HDGFL3: variants seen among roughly 807,000 people sequenced by gnomAD.
The protein encoded by HDGFL3 is hepatoma-derived growth factor-related protein 3.
Under a neutral mutation model 27.6 loss-of-function variants are expected in HDGFL3, and 6 were observed. That is an observed-to-expected ratio of 0.22 (90% confidence interval 0.12 to 0.43). HDGFL3 has a LOEUF of 0.43. HDGFL3 is among the 20% of genes least tolerant of loss of function. The pLI, the probability that HDGFL3 is intolerant of heterozygous loss-of-function variation, is 1.00. For missense variants in HDGFL3, 207 were observed against 250.1 expected (o/e 0.83, Z 1.16); for synonymous variants, 88 against 88.9 (o/e 0.99, Z 0.05).
chr15:83,147,707 G>T (rs1434654646), intron 5 of HDGFL3, among the ~76,000 whole-genome samples: 5 of 152,140 alleles, frequency 3.3e-5, no homozygotes, highest in Non-Finnish European at 5.9e-5. Context: ...GCAATAAATG[G>T]TGCTGGTTCA....
At position 83,164,037 on chromosome 15, in the gene HDGFL3, T is replaced by C. The variant is rs376348466; in HGVS notation, c.123A>G (p.Ala41=). The change falls in exon 2 of 6, where the codon GCA becomes GCG. Residue 41 remains alanine (A), a synonymous_variant. Transcript: ENST00000299633. ...CAAAAAAGAAGATAGGATACTTGTTTGCTGGAGGCTTCACAGCGCCCTCTG... is the reference window on the plus strand; with the variant it reads ...CAAAAAAGAAGATAGGATACTTGTTCGCTGGAGGCTTCACAGCGCCCTCTG... The part of the protein sequence containing the change: ...ELPEGAVKPP[A]NKYPIFFFGT... 1 of 1,611,530 alleles carries C rather than the reference T, an allele frequency of 6.2e-7. No homozygotes were observed. The highest frequency in any genetic ancestry group is 8.5e-7 in the Non-Finnish European group (1 of 1,179,190).
chr15:83,199,352 T>C (rs1042595034), intron 1 of HDGFL3, among the ~76,000 whole-genome samples: 6 of 152,214 alleles, frequency 3.9e-5, no homozygotes, highest in African/African-American at 1.4e-4. Flanking sequence ...AATAGAGATC[T>C]GAAGTTGAGT....
At chr15:83,197,542 G>A (rs976449698) in intron 1 of HDGFL3, among the ~76,000 whole-genome samples, 4 of 152,140 alleles carry the variant, frequency 2.6e-5, no homozygotes, top group African/African-American at 7.2e-5. Flanking sequence ...CATGTTAATC[G>A]CAAAAACTTT....
chr15:83,151,098 C>A, intron 5 of HDGFL3, 117 bp downstream of exon 5: 4 of 951,258 alleles, frequency 4.2e-6, no homozygotes, highest in Non-Finnish European at 6.4e-6. Context: ...ATATAATAGG[C>A]TGAGAATACT....
intron 4 of HDGFL3, among the ~76,000 whole-genome samples, chr15:83,155,971 G>A (rs1235154664): frequency 1.3e-5 from 2 of 152,114 alleles, no homozygotes; most frequent in African/African-American, 4.8e-5. Flanking sequence ...AAAAAACCTA[G>A]ACTTTCAATT....
At chr15:83,198,439 C>T (rs939715217) in intron 1 of HDGFL3, among the ~76,000 whole-genome samples, 2 of 152,116 alleles carry the variant, frequency 1.3e-5, no homozygotes, top group African/African-American at 4.8e-5. Context: ...CCTGACTTTA[C>T]ATAAAATGAA....
rs1454998468 is a variant in HDGFL3, at chr15:83,133,696, C to A, written c.*5574G>T. On this transcript the variant is annotated 3_prime_UTR_variant, in exon 6 of 6. Coordinates refer to ENST00000299633, the MANE Select transcript of HDGFL3 (RefSeq NM_016073.4). ...GACCCCAGCACAGGCTCAGGCTGAG[C>A]TCTTCAGGTCCTGCCATGAGAGGCC... 2 of 152,250 alleles carry A rather than the reference C, an allele frequency of 1.3e-5. No individual in the cohort carries two copies. Among genetic ancestry groups the A allele is most frequent in the Admixed American group, 6.5e-5 (1 of 15,288 alleles). 9.4% of individuals were successfully genotyped at this position (152,250 alleles called of 1,614,324 possible). A position where few individuals can be genotyped will look rare whatever the true frequency, so the allele number is the denominator to read the frequency against.
chr15:83,154,102 C>T (rs946039442), intron 4 of HDGFL3, among the ~76,000 whole-genome samples: 3 of 151,340 alleles, frequency 2.0e-5, no homozygotes, highest in Non-Finnish European at 2.9e-5. Flanking sequence ...ACTGTTTGAG[C>T]TCAGGAGTTT....
At chr15:83,113,052 G>A (rs1203420864) in exon 4 of HDGFL3, 10 of 667,798 alleles carry the variant, frequency 1.5e-5, no homozygotes, top group East Asian at 2.7e-5. Flanking sequence ...TCTGGCCCTC[G>A]CCTCTGGCTA....
At chr15:83,192,347 C>T (rs751103893) in intron 1 of HDGFL3, 4 of 453,486 alleles carry the variant, frequency 8.8e-6, no homozygotes, top group South Asian at 6.2e-5. Flanking sequence ...TTTTGATAGA[C>T]ATGCACTCCT....
chr15:83,178,445 A>G (rs756029833), intron 1 of HDGFL3, among the ~76,000 whole-genome samples: 26 of 152,186 alleles, frequency 1.7e-4, no homozygotes, highest in Non-Finnish European at 3.4e-4. Flanking sequence ...TTTGTTTTTA[A>G]ATAAACAAAA....
At chr15:83,206,483 G>A (rs2037717889) in intron 1 of HDGFL3, among the ~76,000 whole-genome samples, 1 of 152,184 alleles carries the variant, frequency 6.6e-6, no homozygotes, top group Non-Finnish European at 1.5e-5. Flanking sequence ...TCCTCAAAGA[G>A]CTTAATAAAA....
chr15:83,184,060 C>T (rs1428088582), intron 1 of HDGFL3, among the ~76,000 whole-genome samples: 1 of 152,178 alleles, frequency 6.6e-6, no homozygotes, highest in Non-Finnish European at 1.5e-5. Flanking sequence ...GTACAAAAAG[C>T]TAAATTCAGA....
chr15:83,207,682 CCCGCCG>C lies in HDGFL3; in HGVS notation c.-274_-269del, dbSNP rs564306913. On this transcript the variant is annotated 5_prime_UTR_variant, in exon 1 of 6. Coordinates refer to ENST00000299633, the MANE Select transcript of HDGFL3 (RefSeq NM_016073.4). This position sits in a 1 kb window ranked among gnomAD's most constrained non-coding sequence, Gnocchi z 4.8. ...GCCCGCGTCCGGCCGCGCCAAGGTC[CCCGCCG>C]CCGCCGCCGCCGCCGCCGCGCGCGC... is the stretch of plus-strand genomic sequence containing the variant. 41 of 152,140 alleles carry C rather than the reference CCCGCCG, an allele frequency of 2.7e-4. No homozygotes were observed. The highest frequency in any genetic ancestry group is 3.5e-4 in the South Asian group (2 of 5,646). 9.4% of individuals were successfully genotyped at this position (152,140 alleles called of 1,614,324 possible).
At chr15:83,167,340 G>A (rs966551486) in intron 1 of HDGFL3, among the ~76,000 whole-genome samples, 5 of 152,184 alleles carry the variant, frequency 3.3e-5, no homozygotes, top group Non-Finnish European at 5.9e-5. Flanking sequence ...GGGATCACCC[G>A]AGGTCAGGAG....
rs1355052786 is a variant in HDGFL3 at position 83,131,886 on chromosome 15, T to A, written c.*7384A>T. ...GTGTAATCTGAAAGGCATTATAGGC[T>A]GCTTAGATCCACTTATTAGCATTTC... On this transcript the variant is annotated 3_prime_UTR_variant, in exon 6 of 6. Coordinates refer to ENST00000299633, the MANE Select transcript of HDGFL3 (RefSeq NM_016073.4). The A allele has an allele frequency of 6.6e-6, 1 of 152,250 alleles. No homozygotes were observed. Among genetic ancestry groups the A allele is most frequent in the Non-Finnish European group, 1.5e-5 (1 of 68,052 alleles). 9.4% of individuals were successfully genotyped at this position (152,250 alleles called of 1,614,324 possible). A position where few individuals can be genotyped will look rare whatever the true frequency, so the allele number is the denominator to read the frequency against.
At chr15:83,140,481 G>GTTTTTT (rs11429826) in intron 5 of HDGFL3, among the ~76,000 whole-genome samples, 1 of 135,752 alleles carries the variant, frequency 7.4e-6, no homozygotes, top group African/African-American at 2.7e-5. Flanking sequence ...ACCAAAGAAA[G>GTTTTTT]TTTTTTTTTT....
At chr15:83,199,564 T>C (rs1567178600) in intron 1 of HDGFL3, among the ~76,000 whole-genome samples, 1 of 152,204 alleles carries the variant, frequency 6.6e-6, no homozygotes, top group Admixed American at 6.5e-5. Context: ...CTGACTCCCC[T>C]ACACTGACAC....
chr15:83,116,001 T>A (rs2034625413), intron 3 of HDGFL3: 1 of 1,289,864 alleles, frequency 7.8e-7, no homozygotes, highest in Non-Finnish European at 1.1e-6. Flanking sequence ...CCAGATCACA[T>A]TACTCAGAGA....
Sources: gnomAD v4.1 joint callset for allele counts (sites outside exome capture counted in the v4.1 genomes callset) on GRCh38, gnomAD v4.1.1 for gene constraint, Gnocchi (gnomAD v3.1) non-coding constraint, MANE v1.5 for transcripts, NCBI Gene and HGNC (gene_info 2026-07-23, HGNC 2026-07-21) for gene names.